Variants in OSGIN2 observed in about 807,000 individuals in gnomAD.
OSGIN2 encodes oxidative stress-induced growth inhibitor 2.
OSGIN2 carries 19 observed loss-of-function variants against 53.8 expected under a neutral mutation model. The observed-to-expected ratio is 0.35, with a 90% CI of 0.25 to 0.52. The LOEUF (loss-of-function observed/expected upper bound fraction) is 0.52. OSGIN2 is among the 20% of genes least tolerant of loss of function. OSGIN2 has a pLI of 0.95. For synonymous variants in OSGIN2, 236 were observed against 236.0 expected (o/e 1.00, Z 0.00); for missense variants, 520 against 662.7 (o/e 0.78, Z 2.36).
chr8:89,922,922 C>T (rs749174404), intron 5 of OSGIN2, among the ~76,000 whole-genome samples: 11 of 151,870 alleles, frequency 7.2e-5, no homozygotes, highest in Non-Finnish European at 4.4e-5. Flanking sequence ...AGTTGTAACA[C>T]AATTGTAAGT....
chr8:89,914,121 T>C lies in OSGIN2; in HGVS notation c.244T>C (p.Tyr82His), dbSNP rs1322030900. The change falls in exon 3 of 6, where the codon TAC becomes CAC. Residue 82 changes from tyrosine to histidine, a missense_variant. Transcript: ENST00000451899. ...ATGCCTTTCTTATATGTTATCAGGC[T>C]ACAGACCGTATTTATCATCAGAAGC... ...GICLSYMLSG[Y>H]RPYLSSEAIH... 1 of 1,608,934 alleles carries C rather than the reference T, an allele frequency of 6.2e-7. No homozygotes were observed. The highest frequency in any genetic ancestry group is 1.7e-5 in the Admixed American group (1 of 59,860).
rs2130701779 is a variant in OSGIN2 at position 89,914,721 on chromosome 8, A to G, written c.503A>G (p.Lys168Arg). ...HHYIPHVVLGKGPPGGAWHNM... is the reference protein window; with the variant it reads ...HHYIPHVVLGRGPPGGAWHNM... The stretch of plus-strand genomic sequence containing the variant: ...TATATCCCTCACGTAGTTCTTGGTA[A>G]AGGTCCACCTGGTGGGGCTTGGCAT... Residue 168 changes from lysine to arginine, a missense_variant, in exon 4 of 6, where the codon AAA becomes AGA. Physicochemically the swap from Lys to Arg is conservative, Grantham distance 26. This residue lies in a region of OSGIN2 where 203 missense variants were observed against 275.3 expected (regional missense o/e 0.74). Transcript: ENST00000451899. The G allele has an allele frequency of 6.2e-7, 1 of 1,613,836 alleles. No individual in the cohort carries two copies. The highest frequency in any genetic ancestry group is 2.2e-5 in the East Asian group (1 of 44,878).
In OSGIN2 at chr8:89,924,906, C is replaced by A. The variant is rs533674331; in HGVS notation, c.1024C>A (p.Arg342Ser). Residue 342 changes from arginine to serine, a missense_variant, in exon 6 of 6, where the codon CGT becomes AGT. By Grantham distance (110) the Arg-to-Ser change is moderately radical (BLOSUM62 -1). Around this residue, in one of 3 missense-constraint regions of OSGIN2, gnomAD observed 239 missense variants for 328.3 expected, o/e 0.73. Coordinates refer to ENST00000451899, the MANE Select transcript of OSGIN2 (RefSeq NM_001126111.3). The part of the protein sequence containing the change: ...FGAAINKGKL[R>S]GKVDPVLIVG... ...AGCTGCTATAAACAAAGGAAAGTTG[C>A]GTGGCAAAGTGGATCCAGTGTTAAT... 6.8e-6 allele frequency: 11 copies of A among 1,614,130 alleles called. No homozygotes were observed. The highest frequency in any genetic ancestry group is 9.3e-6 in the Non-Finnish European group (11 of 1,179,998).
At chr8:89,910,785 G>C (rs1027070407) in intron 2 of OSGIN2, among the ~76,000 whole-genome samples, 5 of 152,106 alleles carry the variant, frequency 3.3e-5, no homozygotes, top group African/African-American at 9.7e-5. Flanking sequence ...ATTTGCACCT[G>C]CCCACTCCAC....
Position 89,914,673 on chromosome 8 carries a change from A to T in OSGIN2, c.455A>T (p.His152Leu), listed in dbSNP as rs1280365799. ...DFGYDYPSVL[H>L]WKLEQHHYIP... ...GGGTATGATTATCCATCCGTTTTGC[A>T]TTGGAAATTAGAGCAACATCATTAT... Residue 152 changes from histidine (H) to leucine (L), a missense_variant, in exon 4 of 6, where the codon CAT becomes CTT. By Grantham distance (99) the His-to-Leu change is moderately conservative. Transcript: ENST00000451899. The T allele has an allele frequency of 1.4e-5, 22 of 1,613,960 alleles. No homozygotes were observed. Among genetic ancestry groups the T allele is most frequent in the Non-Finnish European group, 1.8e-5 (21 of 1,179,928 alleles).
intron 4 of OSGIN2, among the ~76,000 whole-genome samples, chr8:89,919,246 G>A (rs1333451478): frequency 6.6e-6 from 1 of 152,180 alleles, no homozygotes; most frequent in Admixed American, 6.5e-5. Context: ...AGTAAAGATG[G>A]TGTACTTGTG....
Position 89,902,908 on chromosome 8 carries a change from C to T in OSGIN2, c.44+71C>T, listed in dbSNP as rs567105320. 5.6e-5 allele frequency: 58 copies of T among 1,039,776 alleles called. No homozygotes were observed. In the African/African-American group the frequency reaches 8.1e-4, roughly 15 times the overall value. 64.4% of individuals were successfully genotyped at this position (1,039,776 alleles called of 1,614,324 possible). ...CGCTCTCGAGCTTTTTGGCCTGGCC[C>T]GGGCCGGGACCGGGGTGGAGGGCGA... On this transcript the variant is annotated intron_variant, in intron 1 of 5. Transcript: ENST00000451899.
At position 89,909,574 on chromosome 8, in the gene OSGIN2, A is replaced by G; in HGVS notation, c.52A>G (p.Ser18Gly). ...CCTTTTTTTTTTTTAAAGAAACTAT[A>G]GTGACACTGAAACTGAAGGAGAGAT... ...CSLAGHFRNYSDTETEGEIFN... is the reference protein window; with the variant it reads ...CSLAGHFRNYGDTETEGEIFN... Residue 18 changes from serine (S) to glycine (G), a missense_variant, in exon 2 of 6, where the codon AGT becomes GGT. Physicochemically the swap from Ser to Gly is moderately conservative, Grantham distance 56 (BLOSUM62 0). Transcript: ENST00000451899. 3 of 1,523,930 alleles carry G rather than the reference A, an allele frequency of 2.0e-6. No homozygotes were observed. The highest frequency in any genetic ancestry group is 1.4e-5 in the African/African-American group (1 of 71,710). The allele number at this position is 1,523,930 out of a possible 1,614,324, so 94.4% of individuals were successfully genotyped here. A position where few individuals can be genotyped will look rare whatever the true frequency, so the allele number is the denominator to read the frequency against.
intron 1 of OSGIN2, among the ~76,000 whole-genome samples, 187 bp downstream of exon 1, chr8:89,903,024 G>A (rs902119308): frequency 7.2e-5 from 11 of 152,290 alleles, no homozygotes; most frequent in African/African-American, 2.6e-4. Context: ...TTGCTCCGGG[G>A]AGCCCTGCGC....
At chr8:89,909,426 A>G (rs1233483884) in intron 1 of OSGIN2, 141 bp from the exon 2 acceptor site, 1 of 505,554 alleles carries the variant, frequency 2.0e-6, no homozygotes, top group Non-Finnish European at 3.3e-6. Context: ...ATTTGAAAGC[A>G]TTAATCAGAA....
chr8:89,917,674 A>C (rs956341400), intron 4 of OSGIN2, among the ~76,000 whole-genome samples: 3 of 152,170 alleles, frequency 2.0e-5, no homozygotes, highest in African/African-American at 7.2e-5. Flanking sequence ...TCATGCTTAG[A>C]AGTGGTCTTG....
At chr8:89,921,711 G>T (rs1809208319) in intron 5 of OSGIN2, among the ~76,000 whole-genome samples, 1 of 152,232 alleles carries the variant, frequency 6.6e-6, no homozygotes, top group African/African-American at 2.4e-5. Flanking sequence ...GCCTGGCGCA[G>T]TGGCTCACGC....
chr8:89,918,834 C>T (rs1809137194), intron 4 of OSGIN2, among the ~76,000 whole-genome samples: 1 of 152,184 alleles, frequency 6.6e-6, no homozygotes, highest in Admixed American at 6.5e-5. Flanking sequence ...TCAAATTAAT[C>T]ACCAAATCTT....
intron 2 of OSGIN2, among the ~76,000 whole-genome samples, chr8:89,909,961 C>G (rs1808934987): frequency 6.6e-6 from 1 of 152,112 alleles, no homozygotes; most frequent in African/African-American, 2.4e-5. Context: ...TTTAAAATAT[C>G]TCCTACATTT....
intron 5 of OSGIN2, 54 bp downstream of exon 5, chr8:89,921,225 G>A: frequency 1.9e-6 from 2 of 1,036,532 alleles, no homozygotes; most frequent in Non-Finnish European, 2.9e-6. Context: ...AAGAGAATGT[G>A]GAAAAATTTC....
chr8:89,911,771 A>G (rs1808973450), intron 2 of OSGIN2, among the ~76,000 whole-genome samples: 1 of 151,548 alleles, frequency 6.6e-6, no homozygotes, highest in South Asian at 2.1e-4. Flanking sequence ...TGTCTCTACT[A>G]AAAATACAAA....
intron 1 of OSGIN2, among the ~76,000 whole-genome samples, chr8:89,907,229 A>G (rs1808857683): frequency 6.6e-6 from 1 of 151,982 alleles, no homozygotes; most frequent in Admixed American, 6.6e-5. Flanking sequence ...CTCTGTTGAT[A>G]GTTTCTTTTG....
chr8:89,909,795 C>T (rs1391301865), intron 2 of OSGIN2, 74 bp downstream of exon 2: 9 of 962,010 alleles, frequency 9.4e-6, no homozygotes, highest in African/African-American at 1.7e-5. Flanking sequence ...ACAGTTAGTA[C>T]AAGTTCTTAA....
At position 89,925,177 on chromosome 8, in the gene OSGIN2, C is replaced by A. The variant is rs1452876734; in HGVS notation, c.1295C>A (p.Ser432Ter). ...FPEHRVLSFK[S>*]DMKCVLQSVS... is the part of the protein sequence containing the mutation. ...GAGCACCGTGTGCTTTCCTTTAAGT[C>A]GGACATGAAATGTGTTCTCCAAAGC... is the stretch of plus-strand genomic sequence containing the variant. The change falls in exon 6 of 6, where the codon TCG (serine) becomes TAG (stop). Residue 432 changes from serine (S) to a stop codon, truncating the protein, a stop_gained. Coordinates refer to ENST00000451899, the MANE Select transcript of OSGIN2 (RefSeq NM_001126111.3). LOFTEE classifies it high-confidence loss of function. The A allele has an allele frequency of 1.7e-5, 28 of 1,613,882 alleles. No individual in the cohort carries two copies. Among genetic ancestry groups the A allele is most frequent in the Non-Finnish European group, 2.2e-5 (26 of 1,179,970 alleles).
Sources: allele counts gnomAD v4.1 joint callset (sites outside exome capture counted in the v4.1 genomes callset), GRCh38; gene constraint gnomAD v4.1.1; regional missense constraint gnomAD v4.1.1; transcripts MANE v1.5; gene names NCBI Gene and HGNC (gene_info 2026-07-23, HGNC 2026-07-21).